Variants in S100Z observed in about 807,000 individuals in gnomAD.
The protein encoded by S100Z is protein S100-Z.
In S100Z, 11 loss-of-function variants were observed where a neutral mutation model predicts 8.5. The ratio of observed to expected loss-of-function variants is 1.30; its 90% CI spans 0.82 to 2.15. S100Z has a LOEUF of 2.15. Among genes scored for constraint, S100Z ranks in the 30% most tolerant of loss-of-function variants. The pLI is 0.00. For synonymous variants in S100Z, 34 were observed against 43.8 expected (o/e 0.78, Z 0.89); for missense variants, 126 against 117.9 (o/e 1.07, Z -0.32).
intron 4 of S100Z, among the ~76,000 whole-genome samples, chr5:76,917,517 G>A (rs907186035): frequency 7.9e-5 from 12 of 152,192 alleles, no homozygotes; most frequent in African/African-American, 2.7e-4. Flanking sequence ...GTTTTCCAGA[G>A]GGAAAGCTTG....
Position 76,875,019 on chromosome 5 carries a change from G to A in S100Z, c.-56-285G>A, listed in dbSNP as rs180847264. On this transcript the variant is annotated intron_variant, in intron 2 of 4. Coordinates refer to ENST00000317593, the MANE Select transcript of S100Z (RefSeq NM_130772.4). ...CCTGCCTCAGCCTCCTGAGTAGCTA[G>A]CTGGGACTACAGGCGCCCGCCGCCG... 4.7e-3 allele frequency among the ~76,000 whole-genome samples: 708 copies of A among 152,192 alleles called. 4 individuals are homozygous for A. The highest frequency in any genetic ancestry group is 0.016 in the African/African-American group (669 of 41,528).
Position 76,887,395 on chromosome 5 carries a change from C to CTTTT in S100Z, c.*2+9579_*2+9582dup, listed in dbSNP as rs70982657. 4.5e-3 allele frequency among the ~76,000 whole-genome samples: 333 copies of CTTTT among 74,682 alleles called. 20 individuals carry two copies. Among genetic ancestry groups the CTTTT allele is most frequent in the African/African-American group, 0.014 (268 of 18,632 alleles). 49.0% of individuals were successfully genotyped at this position (74,682 alleles called of 152,430 possible). On this transcript the variant is annotated intron_variant, in intron 4 of 4. Coordinates refer to ENST00000317593, the MANE Select transcript of S100Z (RefSeq NM_130772.4). ...TACAGTCATGAGCTACTGTGCCAGG[C>CTTTT]TTTTTTTTTTTTTTTTTTTTTCTGA... is the stretch of plus-strand genomic sequence containing the variant.
intron 1 of S100Z, among the ~76,000 whole-genome samples, chr5:76,854,148 G>A (rs1184726332): frequency 1.3e-5 from 2 of 152,104 alleles, no homozygotes; most frequent in Non-Finnish European, 2.9e-5. Context: ...CTAGTCTCAA[G>A]TATTTCTTTA....
the S100Z span, among the ~76,000 whole-genome samples, chr5:76,939,795 G>A: frequency 2.0e-5 from 3 of 151,932 alleles, no homozygotes; most frequent in African/African-American, 7.2e-5. Flanking sequence ...TTACAGGTGC[G>A]AGCCGCCACG....
intron 1 of S100Z, among the ~76,000 whole-genome samples, chr5:76,852,963 C>T (rs979376373): frequency 4.6e-5 from 7 of 152,104 alleles, no homozygotes; most frequent in African/African-American, 1.7e-4. Flanking sequence ...ACACAAGAAC[C>T]AGAGCAACAT....
chr5:76,875,617 TAC>T (rs1561230772), intron 3 of S100Z, 117 bp downstream of exon 3: 9 of 884,442 alleles, frequency 1.0e-5, no homozygotes, highest in South Asian at 2.1e-5. Flanking sequence ...GCCAAATTTG[TAC>T]AGAGATTCAA....
intron 1 of S100Z, among the ~76,000 whole-genome samples, chr5:76,863,786 C>T (rs1204527769): frequency 6.6e-6 from 1 of 152,190 alleles, no homozygotes; most frequent in Non-Finnish European, 1.5e-5. Flanking sequence ...GATCCACCCA[C>T]CTTGGCCTCC....
At chr5:76,907,989 G>C (rs926634107) in intron 4 of S100Z, among the ~76,000 whole-genome samples, 1 of 152,076 alleles carries the variant, frequency 6.6e-6, no homozygotes, top group African/African-American at 2.4e-5. Context: ...ATATCAGTCA[G>C]ATGTGGTGGC....
At chr5:76,941,873 T>C in the S100Z span, among the ~76,000 whole-genome samples, 1 of 152,202 alleles carries the variant, frequency 6.6e-6, no homozygotes, top group African/African-American at 2.4e-5. Context: ...CTTCTCCCCA[T>C]TTATTAATTT....
intron 4 of S100Z, among the ~76,000 whole-genome samples, chr5:76,889,934 T>G (rs1206619552): frequency 1.3e-5 from 2 of 152,268 alleles, no homozygotes; most frequent in East Asian, 1.9e-4. Context: ...GACAAAAGCC[T>G]AGGCTTGCTT....
intron 4 of S100Z, among the ~76,000 whole-genome samples, chr5:76,888,889 C>T (rs548755254): frequency 6.6e-6 from 1 of 152,346 alleles, no homozygotes; most frequent in African/African-American, 2.4e-5. Flanking sequence ...AAACTTGGTC[C>T]ACCAAACATG....
chr5:76,884,531 C>T (rs1347814587), intron 4 of S100Z, among the ~76,000 whole-genome samples: 3 of 152,080 alleles, frequency 2.0e-5, no homozygotes, highest in African/African-American at 7.2e-5. Flanking sequence ...AGTTAGATAT[C>T]GGAATTCCTG....
chr5:76,911,639 C>G (rs1275010835), intron 4 of S100Z, among the ~76,000 whole-genome samples: 1 of 152,232 alleles, frequency 6.6e-6, no homozygotes, highest in African/African-American at 2.4e-5. Flanking sequence ...GGATAATTTA[C>G]TTTTGGCTAC....
chr5:76,912,260 G>A (rs928834239), intron 4 of S100Z, among the ~76,000 whole-genome samples: 1 of 152,150 alleles, frequency 6.6e-6, no homozygotes, highest in African/African-American at 2.4e-5. Context: ...AAATACATAT[G>A]TGCATGGCCT....
At chr5:76,878,196 A>G (rs1414516420) in intron 4 of S100Z, 1 of 156,230 alleles carries the variant, frequency 6.4e-6, no homozygotes, top group Admixed American at 6.5e-5. Context: ...TGAACTTCTT[A>G]CCCTATTAAA....
At chr5:76,899,109 A>ATTTTTT (rs1744145602) in intron 4 of S100Z, among the ~76,000 whole-genome samples, 1 of 151,716 alleles carries the variant, frequency 6.6e-6, no homozygotes, top group African/African-American at 2.4e-5. Context: ...ACACCTGGTT[A>ATTTTTT]ATTTTTGTAT....
intron 4 of S100Z, among the ~76,000 whole-genome samples, chr5:76,908,207 C>T (rs1744523864): frequency 1.3e-5 from 2 of 152,298 alleles, no homozygotes; most frequent in African/African-American, 2.4e-5. Context: ...TACCTGGAAC[C>T]AGTTTCTGCT....
chr5:76,920,090 A>G (rs1744993063), intron 4 of S100Z, among the ~76,000 whole-genome samples: 1 of 151,818 alleles, frequency 6.6e-6, no homozygotes, highest in Non-Finnish European at 1.5e-5. Flanking sequence ...TTGTATTTTT[A>G]GTAGAGATGG....
chr5:76,940,800 G>A, the S100Z span, among the ~76,000 whole-genome samples: 2 of 152,120 alleles, frequency 1.3e-5, no homozygotes, highest in South Asian at 4.2e-4. Flanking sequence ...TCTTTTTCTG[G>A]TCCAGGATCC....
Sources: allele counts gnomAD v4.1 joint callset (sites outside exome capture counted in the v4.1 genomes callset), GRCh38; gene constraint gnomAD v4.1.1; transcripts MANE v1.5; gene names NCBI Gene and HGNC (gene_info 2026-07-23, HGNC 2026-07-21).